The following CNTNAP2 variants were observed in gnomAD, a reference collection of about 807,000 sequenced individuals.
CNTNAP2 encodes contactin-associated protein-like 2.
A neutral mutation model predicts 155.2 loss-of-function variants in CNTNAP2; 98 were observed. That is an observed-to-expected ratio of 0.63 (90% CI 0.54 to 0.75). The LOEUF (loss-of-function observed/expected upper bound fraction) is 0.75, where lower values mean the gene tolerates loss of function less well. CNTNAP2 is among the 30% of genes least tolerant of loss of function. The probability of loss-of-function intolerance (pLI) is 0.00; values close to 1 mark genes in which losing one functional copy is unlikely to be tolerated. For missense variants in CNTNAP2, 1,727 were observed against 1,688.1 expected, an observed-to-expected ratio of 1.02 and a Z score of -0.40; for synonymous variants, 651 against 631.2, an observed-to-expected ratio of 1.03 and a Z score of -0.47.
chr7:146,699,972 A>C (rs959023722), intron 1 of CNTNAP2, among the ~76,000 whole-genome samples: 2 of 152,162 alleles, frequency 1.3e-5, no homozygotes, highest in Non-Finnish European at 2.9e-5. Context: ...TGTCTCAAGA[A>C]AAAAGAAAAA....
intron 1 of CNTNAP2, among the ~76,000 whole-genome samples, chr7:146,631,860 G>A (rs917203918): frequency 6.6e-6 from 1 of 151,910 alleles, no homozygotes; most frequent in Non-Finnish European, 1.5e-5. Flanking sequence ...TTTTGTTGTT[G>A]TTCTCCCAAA....
intron 14 of CNTNAP2, among the ~76,000 whole-genome samples, chr7:147,954,850 A>T (rs1038493407): frequency 3.9e-5 from 6 of 152,222 alleles, no homozygotes; most frequent in Non-Finnish European, 8.8e-5. Flanking sequence ...TTTATAGTAT[A>T]AAAGTGTACA....
intron 16 of CNTNAP2, among the ~76,000 whole-genome samples, chr7:148,124,394 C>A (rs1013784812): frequency 8.5e-5 from 13 of 152,060 alleles, no homozygotes; most frequent in Non-Finnish European, 1.5e-4. Flanking sequence ...TGGATCTGTC[C>A]ATGTATTTTT....
chr7:146,988,641 T>G (rs907023152), intron 3 of CNTNAP2, among the ~76,000 whole-genome samples: 1 of 152,198 alleles, frequency 6.6e-6, no homozygotes, highest in Non-Finnish European at 1.5e-5. Flanking sequence ...ATGAAATAGT[T>G]TAACACTGCT....
intron 10 of CNTNAP2, among the ~76,000 whole-genome samples, chr7:147,442,793 A>C (rs922301510): frequency 1.3e-5 from 2 of 152,008 alleles, no homozygotes; most frequent in African/African-American, 4.8e-5. Context: ...ATGTCTAGAA[A>C]TGTTATCTTG....
chr7:147,050,045 T>A (rs1010340894), intron 4 of CNTNAP2, among the ~76,000 whole-genome samples: 2 of 152,234 alleles, frequency 1.3e-5, no homozygotes, highest in Non-Finnish European at 2.9e-5. Context: ...TCAATAAATC[T>A]AAACTCATTT....
At chr7:147,423,472 G>C (rs1050432870) in intron 10 of CNTNAP2, among the ~76,000 whole-genome samples, 1 of 152,128 alleles carries the variant, frequency 6.6e-6, no homozygotes, top group Non-Finnish European at 1.5e-5. Flanking sequence ...TTTGTCCACT[G>C]TGTGTATCTT....
intron 13 of CNTNAP2, among the ~76,000 whole-genome samples, chr7:147,867,421 G>A (rs1376524948): frequency 6.6e-6 from 1 of 152,088 alleles, no homozygotes; most frequent in Non-Finnish European, 1.5e-5. Context: ...TGACGGTTAT[G>A]TACCTTGGAG....
At chr7:146,221,484 A>T (rs1297712879) in intron 1 of CNTNAP2, among the ~76,000 whole-genome samples, 1 of 152,184 alleles carries the variant, frequency 6.6e-6, no homozygotes, top group African/African-American at 2.4e-5. Context: ...CTTGTCTTAA[A>T]CCAATCTGGA....
intron 1 of CNTNAP2, among the ~76,000 whole-genome samples, chr7:146,615,720 C>G (rs1159990977): frequency 1.3e-5 from 2 of 152,188 alleles, no homozygotes; most frequent in Non-Finnish European, 2.9e-5. Context: ...CAATGACTGG[C>G]AGCTTTGTGG....
rs879216270 is a variant in CNTNAP2, at chr7:148,420,429, G to C, written c.*4813G>C. On this transcript the variant is annotated 3_prime_UTR_variant, in exon 24 of 24. Coordinates refer to ENST00000361727, the MANE Select transcript of CNTNAP2 (RefSeq NM_014141.6). ...CATATAAATGTCATTCAATGAAATG[G>C]GGAAATCACGTTGAGAAGTTGGTCT... 6.6e-6 allele frequency: 1 copy of C among 152,164 alleles called. No individual in the cohort carries two copies. 9.4% of individuals were successfully genotyped at this position (152,164 alleles called of 1,614,324 possible).
intron 4 of CNTNAP2, among the ~76,000 whole-genome samples, chr7:147,084,382 G>T: frequency 1.4e-5 from 1 of 72,974 alleles, no homozygotes; most frequent in Non-Finnish European, 2.5e-5. Flanking sequence ...TATAATATAT[G>T]CATAATGCTA....
chr7:146,654,303 TGGCCTGGTATGCGTA>T (rs1799961378), intron 1 of CNTNAP2, among the ~76,000 whole-genome samples: 1 of 151,866 alleles, frequency 6.6e-6, no homozygotes, highest in Non-Finnish European at 1.5e-5. Context: ...AGCAGATAGA[TGGCCTGGTATGCGTA>T]GGTCACCTGT....
At chr7:147,261,750 G>A (rs1006619112) in intron 8 of CNTNAP2, among the ~76,000 whole-genome samples, 1 of 152,000 alleles carries the variant, frequency 6.6e-6, no homozygotes, top group East Asian at 1.9e-4. Context: ...AAAAATGAAG[G>A]GTATTATGAC....
At position 147,764,558 on chromosome 7, in the gene CNTNAP2, T is replaced by A. The variant is rs1214277917; in HGVS notation, c.2098+125252T>A. Among the ~76,000 whole-genome samples, 5 of 152,160 alleles carry A rather than the reference T, an allele frequency of 3.3e-5. No homozygotes were observed. The East Asian group carries it at 9.6e-4, about 29-fold the overall frequency. On this transcript the variant is annotated intron_variant, in intron 13 of 23. Coordinates refer to ENST00000361727, the MANE Select transcript of CNTNAP2 (RefSeq NM_014141.6). ...CCTGAATCACAAAGTTATGTTAACCTTAAAATTGAACATAGAATTGTCTAC... is the reference window on the plus strand; with the variant it reads ...CCTGAATCACAAAGTTATGTTAACCATAAAATTGAACATAGAATTGTCTAC...
chr7:147,801,799 C>T (rs944276090), intron 13 of CNTNAP2, among the ~76,000 whole-genome samples: 7 of 152,208 alleles, frequency 4.6e-5, no homozygotes, highest in East Asian at 1.9e-4. Context: ...TCCACAAAAC[C>T]GCCATTGTCA....
At chr7:148,230,168 C>A (rs1325552038) in intron 20 of CNTNAP2, among the ~76,000 whole-genome samples, 2 of 152,216 alleles carry the variant, frequency 1.3e-5, no homozygotes, top group Non-Finnish European at 2.9e-5. Flanking sequence ...CTACTTCTTT[C>A]ACTGCTCCAA....
intron 13 of CNTNAP2, among the ~76,000 whole-genome samples, chr7:147,897,339 T>C (rs1478406721): frequency 6.6e-6 from 1 of 152,204 alleles, no homozygotes; most frequent in Non-Finnish European, 1.5e-5. Context: ...ATATAATCTT[T>C]CATTGGTTAT....
intron 3 of CNTNAP2, among the ~76,000 whole-genome samples, chr7:146,922,115 C>T (rs925439546): frequency 6.6e-6 from 1 of 151,948 alleles, no homozygotes; most frequent in African/African-American, 2.4e-5. Flanking sequence ...ATATGACATG[C>T]ACAATCATTT....
Sources: allele counts gnomAD v4.1 joint callset (sites outside exome capture counted in the v4.1 genomes callset), GRCh38; gene constraint gnomAD v4.1.1; transcripts MANE v1.5; gene names NCBI Gene and HGNC (gene_info 2026-07-23, HGNC 2026-07-21).